C8orf34: variants seen among roughly 807,000 people sequenced by gnomAD.
C8orf34 encodes chromosome 8 open reading frame 34, also known as uncharacterized protein C8orf34.
In C8orf34, 65 loss-of-function variants were observed where a neutral mutation model predicts 68.3. The observed-to-expected ratio is 0.95, with a 90% CI of 0.78 to 1.17. The LOEUF is 1.17. Among genes scored for constraint, C8orf34 ranks in the 50% most tolerant of loss-of-function variants. C8orf34 has a pLI of 0.00. For synonymous variants in C8orf34, 244 were observed against 241.2 expected, an observed-to-expected ratio of 1.01 and a Z score of -0.11; for missense variants, 664 against 655.4, an observed-to-expected ratio of 1.01 and a Z score of -0.14.
intron 3 of C8orf34, among the ~76,000 whole-genome samples, chr8:68,459,770 G>A (rs1410949966): frequency 6.6e-6 from 1 of 152,168 alleles, no homozygotes; most frequent in African/African-American, 2.4e-5. Flanking sequence ...GTGTCCATCA[G>A]CAGATAAATG....
At chr8:68,747,948 A>G (rs979310548) in intron 10 of C8orf34, among the ~76,000 whole-genome samples, 9 of 152,092 alleles carry the variant, frequency 5.9e-5, no homozygotes, top group African/African-American at 1.9e-4. Context: ...AGCCAAAAGA[A>G]CAAAGCTGGA....
At chr8:68,713,874 A>G (rs962684023) in intron 9 of C8orf34, among the ~76,000 whole-genome samples, 5 of 152,198 alleles carry the variant, frequency 3.3e-5, no homozygotes, top group Non-Finnish European at 7.3e-5. Flanking sequence ...CTTGATGAAC[A>G]TACATGCAAA....
At chr8:68,687,794 A>T (rs1820564666) in intron 8 of C8orf34, among the ~76,000 whole-genome samples, 1 of 152,138 alleles carries the variant, frequency 6.6e-6, no homozygotes, top group Admixed American at 6.6e-5. Flanking sequence ...GCTTCTGTAC[A>T]CCAAAAGAAA....
chr8:68,359,260 G>A (rs150420739), intron 1 of C8orf34, among the ~76,000 whole-genome samples: 5 of 152,188 alleles, frequency 3.3e-5, no homozygotes, highest in East Asian at 3.9e-4. Flanking sequence ...TTTATGTAAC[G>A]TACTGTATAA....
chr8:68,443,628 G>T (rs538910242), intron 2 of C8orf34, among the ~76,000 whole-genome samples: 52 of 151,640 alleles, frequency 3.4e-4, no homozygotes, highest in African/African-American at 9.2e-4. Flanking sequence ...GGATGGTCTC[G>T]ATCTCTTGAC....
At chr8:68,384,125 A>C (rs1016297006) in intron 1 of C8orf34, among the ~76,000 whole-genome samples, 1 of 152,348 alleles carries the variant, frequency 6.6e-6, no homozygotes, top group Middle Eastern at 3.4e-3. Context: ...TTTAGAGGTG[A>C]AAATTTGGCT....
intron 10 of C8orf34, among the ~76,000 whole-genome samples, chr8:68,749,822 A>T (rs1822648584): frequency 6.6e-6 from 1 of 152,212 alleles, no homozygotes; most frequent in Non-Finnish European, 1.5e-5. Flanking sequence ...TTTATTGATG[A>T]ATACTAGTAC....
chr8:68,817,231 G>A (rs117987066), intron 13 of C8orf34, among the ~76,000 whole-genome samples: 4,149 of 152,232 alleles, frequency 0.027, 54 homozygotes, highest in Middle Eastern at 0.058. Flanking sequence ...GGTGATTATA[G>A]AAGCATGAGG....
In C8orf34 at chr8:68,525,956, CTTTTTTTTTTTTT is replaced by C; in HGVS notation, c.938+3993_938+4005del. The stretch of plus-strand genomic sequence containing the variant: ...CTGAAAGAGACAAATTTCTTTCTTT[CTTTTTTTTTTTTT>C]TTTTTTTGAGACAGAGTCTCACTCT... On this transcript the variant is annotated intron_variant, in intron 6 of 13. Transcript: ENST00000518698. 3.4e-5 allele frequency: 6 copies of C among 177,726 alleles called. No individual in the cohort carries two copies. In the South Asian group the frequency reaches 3.6e-4, roughly 11 times the overall value. 11.0% of individuals were successfully genotyped at this position (177,726 alleles called of 1,614,324 possible). A position where few individuals can be genotyped will look rare whatever the true frequency, so the allele number is the denominator to read the frequency against.
intron 7 of C8orf34, among the ~76,000 whole-genome samples, chr8:68,609,277 T>C (rs1817943818): frequency 6.6e-6 from 1 of 152,178 alleles, no homozygotes; most frequent in African/African-American, 2.4e-5. Flanking sequence ...TTCTGTGTTA[T>C]ATATTCAAGT....
At chr8:68,718,285 T>G (rs1387952250) in intron 9 of C8orf34, among the ~76,000 whole-genome samples, 1 of 152,208 alleles carries the variant, frequency 6.6e-6, no homozygotes, top group Non-Finnish European at 1.5e-5. Context: ...TACTTGCCAT[T>G]AATTTTTTAA....
intron 7 of C8orf34, among the ~76,000 whole-genome samples, chr8:68,590,174 A>AGGAAGGAAGGAG (rs1391333942): frequency 7.3e-6 from 1 of 137,028 alleles, no homozygotes; most frequent in Non-Finnish European, 1.6e-5. Context: ...GAAGGAGGAA[A>AGGAAGGAAGGAG]GACAGGAAGA....
At chr8:68,347,148 G>T (rs1039451436) in intron 1 of C8orf34, among the ~76,000 whole-genome samples, 1 of 151,606 alleles carries the variant, frequency 6.6e-6, no homozygotes, top group East Asian at 1.9e-4. Flanking sequence ...AGTGTTTGTT[G>T]TTTCTTTCTT....
chr8:68,697,262 ATAGT>A (rs1449079518), intron 8 of C8orf34, among the ~76,000 whole-genome samples: 1 of 151,964 alleles, frequency 6.6e-6, no homozygotes, highest in Non-Finnish European at 1.5e-5. Flanking sequence ...ATTTTCACAG[ATAGT>A]TATTGTTACA....
At chr8:68,518,672 T>C (rs1814619176) in intron 5 of C8orf34, among the ~76,000 whole-genome samples, 1 of 151,992 alleles carries the variant, frequency 6.6e-6, no homozygotes, top group African/African-American at 2.4e-5. Context: ...CCAAGGTGCG[T>C]GGATCACAAG....
chr8:68,497,072 C>T (rs1176027939), intron 5 of C8orf34, among the ~76,000 whole-genome samples: 1 of 152,082 alleles, frequency 6.6e-6, no homozygotes, highest in Non-Finnish European at 1.5e-5. Context: ...ATGTTTGTCT[C>T]TCAAAAATAA....
At chr8:68,700,458 A>G (rs1318521531) in intron 8 of C8orf34, among the ~76,000 whole-genome samples, 3 of 152,118 alleles carry the variant, frequency 2.0e-5, no homozygotes, top group African/African-American at 7.2e-5. Context: ...CTTGGGGAGG[A>G]TAGAGGCAAG....
chr8:68,462,046 A>T (rs1443152361), intron 3 of C8orf34, among the ~76,000 whole-genome samples: 1 of 152,182 alleles, frequency 6.6e-6, no homozygotes, highest in Admixed American at 6.5e-5. Context: ...CAGGAAACCC[A>T]TCTCACGTGC....
intron 3 of C8orf34, among the ~76,000 whole-genome samples, chr8:68,463,969 G>A (rs1475603265): frequency 6.6e-6 from 1 of 152,112 alleles, no homozygotes; most frequent in Non-Finnish European, 1.5e-5. Flanking sequence ...AGGAAATAAA[G>A]GGTATTCAAT....
Sources: gnomAD v4.1 joint callset for allele counts (sites outside exome capture counted in the v4.1 genomes callset) on GRCh38, gnomAD v4.1.1 for gene constraint, MANE v1.5 for transcripts, NCBI Gene and HGNC (gene_info 2026-07-23, HGNC 2026-07-21) for gene names.